The following ADAMTSL1 variants were observed in gnomAD, a reference collection of about 807,000 sequenced individuals.
The protein encoded by ADAMTSL1 is ADAMTS like 1.
ADAMTSL1 carries 126 observed loss-of-function variants against 201.8 expected under a neutral mutation model. That is an observed-to-expected ratio of 0.62 (90% CI 0.54 to 0.72). The LOEUF (loss-of-function observed/expected upper bound fraction) is 0.72, where lower values mean the gene tolerates loss of function less well. Ranked by LOEUF, ADAMTSL1 falls within the 30% of genes least tolerant of loss-of-function variation. The pLI is 0.00. For synonymous variants in ADAMTSL1, 1,121 were observed against 903.4 expected (o/e 1.24, Z -4.32); for missense variants, 2,679 against 2,277.8 (o/e 1.18, Z -3.59).
At chr9:18,416,492 G>A (rs969045496) in intron 2 of ADAMTSL1, among the ~76,000 whole-genome samples, 2 of 151,924 alleles carry the variant, frequency 1.3e-5, no homozygotes, top group Non-Finnish European at 2.9e-5. Context: ...ATTGGATAAA[G>A]AAAGTATTAC....
chr9:18,292,776 A>C (rs111722009), intron 2 of ADAMTSL1, among the ~76,000 whole-genome samples: 9,273 of 152,214 alleles, frequency 0.061, 949 homozygotes, highest in African/African-American at 0.21. Context: ...TTGAAGGCTG[A>C]ACTGTTGGCT....
intron 7 of ADAMTSL1, among the ~76,000 whole-genome samples, chr9:18,654,164 G>C (rs1008881387): frequency 3.3e-5 from 5 of 152,246 alleles, no homozygotes; most frequent in Admixed American, 6.5e-5. Context: ...AGGAGACAGA[G>C]GTTGCAGTGA....
intron 16 of ADAMTSL1, among the ~76,000 whole-genome samples, chr9:18,763,619 G>A (rs1451083661): frequency 6.6e-6 from 1 of 152,088 alleles, no homozygotes; most frequent in Non-Finnish European, 1.5e-5. Flanking sequence ...TTTGTTTGAG[G>A]TCTTAGATTT....
chr9:18,768,316 C>T (rs1242060684), intron 16 of ADAMTSL1, among the ~76,000 whole-genome samples: 1 of 152,144 alleles, frequency 6.6e-6, no homozygotes, highest in African/African-American at 2.4e-5. Context: ...AGGAGAGAAG[C>T]TGAGTTTGGA....
chr9:17,962,130 G>T (rs976587210), intron 1 of ADAMTSL1, among the ~76,000 whole-genome samples: 2 of 152,324 alleles, frequency 1.3e-5, no homozygotes, highest in African/African-American at 4.8e-5. Context: ...CCTAATTCCA[G>T]TTCCACTTTA....
chr9:18,498,614 C>T (rs1178670154), intron 1 of ADAMTSL1, among the ~76,000 whole-genome samples: 1 of 152,112 alleles, frequency 6.6e-6, no homozygotes, highest in Non-Finnish European at 1.5e-5. Context: ...CTGGCATGAG[C>T]CACCGCGCCC....
chr9:18,711,105 A>C (rs1410952234), intron 14 of ADAMTSL1, among the ~76,000 whole-genome samples: 1 of 152,252 alleles, frequency 6.6e-6, no homozygotes, highest in East Asian at 1.9e-4. Context: ...AATGATTTAC[A>C]AAAATTGTTA....
At chr9:18,589,547 C>G (rs1460608954) in intron 4 of ADAMTSL1, among the ~76,000 whole-genome samples, 1 of 152,168 alleles carries the variant, frequency 6.6e-6, no homozygotes, top group African/African-American at 2.4e-5. Context: ...TCTTCCTTTA[C>G]AATTTAGATG....
intron 1 of ADAMTSL1, among the ~76,000 whole-genome samples, chr9:17,914,246 G>T (rs1339262331): frequency 6.6e-6 from 1 of 152,130 alleles, no homozygotes; most frequent in East Asian, 1.9e-4. Context: ...CAATATCCTT[G>T]ATGAACATTG....
At chr9:18,600,472 A>G in intron 4 of ADAMTSL1, among the ~76,000 whole-genome samples, 1 of 152,288 alleles carries the variant, frequency 6.6e-6, no homozygotes, top group Non-Finnish European at 1.5e-5. Context: ...TCATAGAATT[A>G]TACTTCCCTC....
chr9:17,952,152 C>T (rs1309956872), intron 1 of ADAMTSL1, among the ~76,000 whole-genome samples: 3 of 147,118 alleles, frequency 2.0e-5, no homozygotes, highest in African/African-American at 5.0e-5. Context: ...TGGAATCTTG[C>T]TACGTTGCCC....
At chr9:18,481,370 C>T (rs1444597692) in intron 1 of ADAMTSL1, among the ~76,000 whole-genome samples, 4 of 152,064 alleles carry the variant, frequency 2.6e-5, no homozygotes. Flanking sequence ...CATGGTGAAA[C>T]CCCATCTCTA....
In ADAMTSL1 at chr9:18,901,219, G is replaced by C. The variant is rs1044407962; in HGVS notation, c.4852-4563G>C. The stretch of plus-strand genomic sequence containing the variant: ...TAACCAAGAATTATCTGGCAAAACT[G>C]TCCTTCAAAAATGAGGGGGAAGTTA... On this transcript the variant is annotated intron_variant, in intron 26 of 28. Coordinates refer to ENST00000380548, the MANE Select transcript of ADAMTSL1 (RefSeq NM_001040272.6). 3.4e-4 allele frequency among the ~76,000 whole-genome samples: 51 copies of C among 151,972 alleles called. 1 individual carries two copies. Among genetic ancestry groups the C allele is most frequent in the African/African-American group, 9.2e-4 (38 of 41,430 alleles).
At chr9:18,363,807 G>A (rs1836636195) in intron 2 of ADAMTSL1, among the ~76,000 whole-genome samples, 1 of 152,118 alleles carries the variant, frequency 6.6e-6, no homozygotes, top group Non-Finnish European at 1.5e-5. Flanking sequence ...AAGAACAAAT[G>A]AGAGAGGGAA....
chr9:18,870,974 T>C (rs184995254), intron 23 of ADAMTSL1, among the ~76,000 whole-genome samples: 1 of 152,196 alleles, frequency 6.6e-6, no homozygotes, highest in African/African-American at 2.4e-5. Context: ...TCAACCTCTT[T>C]TCTAATTCTT....
At chr9:18,820,429 C>CA (rs1286843077) in intron 21 of ADAMTSL1, among the ~76,000 whole-genome samples, 3 of 151,964 alleles carry the variant, frequency 2.0e-5, no homozygotes, top group Non-Finnish European at 2.9e-5. Flanking sequence ...TTTAAGAGTC[C>CA]AAAAAGGAAA....
At position 18,519,030 on chromosome 9, in the gene ADAMTSL1, C is replaced by A. The variant is rs115042942; in HGVS notation, c.191+14074C>A. Among the ~76,000 whole-genome samples, 946 of 152,236 alleles carry A rather than the reference C, an allele frequency of 6.2e-3. 7 individuals carry two copies. Among genetic ancestry groups the A allele is most frequent in the African/African-American group, 0.022 (898 of 41,526 alleles). On this transcript the variant is annotated intron_variant, in intron 2 of 28. Coordinates refer to ENST00000380548, the MANE Select transcript of ADAMTSL1 (RefSeq NM_001040272.6). ...CCTCCTCTCCTGGTGAGCTCTTTAC[C>A]TACAATGTCCCTCCCTCCCCATACT...
intron 3 of ADAMTSL1, among the ~76,000 whole-genome samples, chr9:18,571,078 T>G (rs1007379964): frequency 1.3e-5 from 2 of 152,196 alleles, no homozygotes; most frequent in African/African-American, 4.8e-5. Flanking sequence ...TTAGGTCCTA[T>G]TTTTCTTAGG....
chr9:18,605,215 C>T (rs1181110939), intron 4 of ADAMTSL1, among the ~76,000 whole-genome samples: 1 of 152,070 alleles, frequency 6.6e-6, no homozygotes, highest in Non-Finnish European at 1.5e-5. Context: ...CTTTGCATAC[C>T]AATGGGGTAT....
Sources: allele counts gnomAD v4.1 joint callset (sites outside exome capture counted in the v4.1 genomes callset), GRCh38; gene constraint gnomAD v4.1.1; transcripts MANE v1.5; gene names NCBI Gene and HGNC (gene_info 2026-07-23, HGNC 2026-07-21).